USP15: variants seen among roughly 807,000 people sequenced by gnomAD.
The protein encoded by USP15 is ubiquitin carboxyl-terminal hydrolase 15.
A neutral mutation model predicts 127.1 loss-of-function variants in USP15; 18 were observed. That is an observed-to-expected ratio of 0.14 (90% confidence interval 0.10 to 0.21). The LOEUF is 0.21. Ranked by LOEUF, USP15 falls within the 10% of genes least tolerant of loss-of-function variation. The pLI is 1.00. For missense variants in USP15, 805 were observed against 1,159.9 expected, an observed-to-expected ratio of 0.69 and a Z score of 4.44; for synonymous variants, 364 against 393.7, an observed-to-expected ratio of 0.92 and a Z score of 0.89.
intron 8 of USP15, among the ~76,000 whole-genome samples, chr12:62,363,128 C>T (rs1235789254): frequency 1.7e-4 from 26 of 152,114 alleles, no homozygotes; most frequent in Admixed American, 1.7e-3. Context: ...AGGCTACTAT[C>T]TTCTTAACTG....
intron 8 of USP15, among the ~76,000 whole-genome samples, chr12:62,362,327 G>A (rs142751607): frequency 2.0e-5 from 3 of 152,076 alleles, no homozygotes; most frequent in African/African-American, 7.2e-5. Flanking sequence ...TATTAAAAAT[G>A]TTTTTATGTT....
chr12:62,262,333 G>C (rs912376739), intron 1 of USP15, among the ~76,000 whole-genome samples: 1 of 152,160 alleles, frequency 6.6e-6, no homozygotes, highest in Admixed American at 6.5e-5. Context: ...GTTTACCTTG[G>C]CTTGTGGTAA....
At chr12:62,289,419 A>C (rs1400314986) in intron 1 of USP15, among the ~76,000 whole-genome samples, 1 of 151,710 alleles carries the variant, frequency 6.6e-6, no homozygotes, top group South Asian at 2.1e-4. Context: ...GTCTCTGATG[A>C]CCTTTTGTAT....
At chr12:62,375,483 A>G (rs1190175257) in intron 8 of USP15, among the ~76,000 whole-genome samples, 1 of 152,168 alleles carries the variant, frequency 6.6e-6, no homozygotes, top group Non-Finnish European at 1.5e-5. Context: ...ATATTGTGAT[A>G]GACCCTGAGG....
intron 3 of USP15, chr12:62,305,848 T>C (rs2137211218): frequency 6.6e-6 from 1 of 152,298 alleles, no homozygotes; most frequent in East Asian, 1.9e-4. Flanking sequence ...GCAGTACTCA[T>C]GGTACATCGC....
chr12:62,314,647 T>TC (rs1271899807), intron 3 of USP15, 143 bp from the exon 4 acceptor site: 1 of 779,640 alleles, frequency 1.3e-6, no homozygotes, highest in African/African-American at 1.8e-5. Flanking sequence ...CAATATCTTT[T>TC]TTTATATATA....
At chr12:62,286,859 C>T (rs185143541) in intron 1 of USP15, among the ~76,000 whole-genome samples, 2 of 151,912 alleles carry the variant, frequency 1.3e-5, no homozygotes, top group East Asian at 3.9e-4. Flanking sequence ...ATCGCTTGAA[C>T]CCGGGAGGTG....
chr12:62,293,614 C>G (rs187142445), intron 1 of USP15, among the ~76,000 whole-genome samples: 453 of 152,284 alleles, frequency 3.0e-3, no homozygotes, highest in African/African-American at 0.01. Context: ...CCTCAGCCTT[C>G]CAAAGCGCTG....
At chr12:62,301,669 C>G (rs2064324494) in intron 2 of USP15, among the ~76,000 whole-genome samples, 1 of 152,096 alleles carries the variant, frequency 6.6e-6, no homozygotes, top group South Asian at 2.1e-4. Flanking sequence ...TTTTCATGTA[C>G]AAGTCTAGAA....
intron 6 of USP15, among the ~76,000 whole-genome samples, chr12:62,338,091 C>T (rs1351196990): frequency 3.3e-5 from 5 of 152,138 alleles, no homozygotes; most frequent in African/African-American, 1.2e-4. Flanking sequence ...ATTTACGGTC[C>T]CACCAGTAGT....
chr12:62,295,137 C>A (rs113341913), intron 2 of USP15, among the ~76,000 whole-genome samples: 4 of 151,124 alleles, frequency 2.6e-5, no homozygotes, highest in Admixed American at 1.3e-4. Context: ...AGACCTAGAC[C>A]CCCCCCCATA....
chr12:62,404,458 CAA>C lies in USP15; in HGVS notation c.*86_*87del. On this transcript the variant is annotated 3_prime_UTR_variant, in exon 22 of 22. Transcript: ENST00000280377. ...GATGAAGTTACCCACCACATTAAAA[CAA>C]AAGTCTGAGATGGGGAGTTTCAGAT... The C allele has an allele frequency of 7.0e-7, 1 of 1,423,396 alleles. No individual in the cohort carries two copies. The highest frequency in any genetic ancestry group is 1.6e-5 in the South Asian group (1 of 61,626). The allele number at this position is 1,423,396 out of a possible 1,614,324, so 88.2% of individuals were successfully genotyped here.
intron 1 of USP15, among the ~76,000 whole-genome samples, chr12:62,276,445 T>G (rs893492023): frequency 6.6e-6 from 1 of 152,138 alleles, no homozygotes; most frequent in Non-Finnish European, 1.5e-5. Context: ...TTGATCAGCT[T>G]CAAATCAGTA....
At chr12:62,310,671 A>T (rs947880330) in intron 3 of USP15, among the ~76,000 whole-genome samples, 2 of 151,958 alleles carry the variant, frequency 1.3e-5, no homozygotes, top group African/African-American at 2.4e-5. Flanking sequence ...GCTATTGTAG[A>T]TAGTGCTACA....
chr12:62,391,458 AT>A (rs781344057), intron 16 of USP15, 29 bp downstream of exon 16: 3 of 1,581,162 alleles, frequency 1.9e-6, no homozygotes, highest in Non-Finnish European at 2.6e-6. Context: ...TGGCTTGAAC[AT>A]TAAACAAGCC....
At chr12:62,341,314 G>A (rs1009750673) in intron 6 of USP15, among the ~76,000 whole-genome samples, 1 of 151,952 alleles carries the variant, frequency 6.6e-6, no homozygotes, top group African/African-American at 2.4e-5. Flanking sequence ...ACACCAATGG[G>A]TCTTGACTCT....
At chr12:62,321,386 G>C in intron 4 of USP15, 78 bp from the exon 5 acceptor site, 1 of 836,708 alleles carries the variant, frequency 1.2e-6, no homozygotes, top group Non-Finnish European at 1.7e-6. Flanking sequence ...AAGAATTTTT[G>C]TGCTGGTAAC....
intron 8 of USP15, among the ~76,000 whole-genome samples, chr12:62,366,162 T>G (rs929042543): frequency 1.3e-5 from 2 of 152,236 alleles, no homozygotes; most frequent in African/African-American, 4.8e-5. Flanking sequence ...TTTCACAGTA[T>G]TGATTCTTCC....
intron 2 of USP15, among the ~76,000 whole-genome samples, chr12:62,300,158 A>G (rs970900418): frequency 3.3e-5 from 5 of 150,662 alleles, no homozygotes; most frequent in Non-Finnish European, 7.4e-5. Context: ...TTTTAAGTCC[A>G]ATTTGCCTTT....
Sources: gnomAD v4.1 joint callset for allele counts (sites outside exome capture counted in the v4.1 genomes callset) on GRCh38, gnomAD v4.1.1 for gene constraint, MANE v1.5 for transcripts, NCBI Gene and HGNC (gene_info 2026-07-23, HGNC 2026-07-21) for gene names.